Variants in BEND2 observed in about 807,000 individuals in gnomAD.
The protein encoded by BEND2 is BEN domain containing 2, also known as BEN domain-containing protein 2.
A neutral mutation model predicts 43.8 loss-of-function variants in BEND2; 19 were observed. The observed-to-expected ratio is 0.43, with a 90% CI of 0.30 to 0.64. The LOEUF is 0.64. BEND2 is among the 30% of genes least tolerant of loss of function. BEND2 has a pLI of 0.11. For synonymous variants in BEND2, 226 were observed against 210.1 expected, an observed-to-expected ratio of 1.08 and a Z score of -0.66; for missense variants, 544 against 574.0, an observed-to-expected ratio of 0.95 and a Z score of 0.53.
intron 6 of BEND2, among the ~76,000 whole-genome samples, chrX:18,197,530 T>C (rs1389706744): frequency 3.6e-5 from 4 of 111,998 alleles, no homozygotes; most frequent in Non-Finnish European, 7.5e-5. Flanking sequence ...TCACTTGTAA[T>C]ACAGCATCTG....
intron 7 of BEND2, among the ~76,000 whole-genome samples, chrX:18,193,182 G>T (rs1433889792): frequency 9.1e-6 from 1 of 110,258 alleles, no homozygotes; most frequent in Admixed American, 9.8e-5. Context: ...GCTCGGCGTG[G>T]TGTCACATGC....
At chrX:18,182,787 T>A (rs1296770482) in intron 8 of BEND2, among the ~76,000 whole-genome samples, 2 of 111,149 alleles carry the variant, frequency 1.8e-5, no homozygotes, top group Non-Finnish European at 1.9e-5. Flanking sequence ...ATGCCTGTAA[T>A]CCCAGCACTT....
intron 1 of BEND2, among the ~76,000 whole-genome samples, chrX:18,217,670 GGA>G (rs1491500128): frequency 9.1e-6 from 1 of 110,162 alleles, no homozygotes; most frequent in Admixed American, 9.7e-5. Flanking sequence ...TAGTCTTCAT[GGA>G]AAAAAAATAG....
chrX:18,177,547 T>A, intron 10 of BEND2, 22 bp downstream of exon 10: 1 of 1,185,230 alleles, frequency 8.4e-7, no homozygotes, highest in Non-Finnish European at 1.1e-6. Flanking sequence ...TAAGATTCCA[T>A]TATCACTTTA....
At chrX:18,178,282 C>T (rs1924252825) in intron 9 of BEND2, among the ~76,000 whole-genome samples, 1 of 111,741 alleles carries the variant, frequency 8.9e-6, no homozygotes, top group African/African-American at 3.3e-5. Flanking sequence ...AAATATTTTA[C>T]ATCTGTGCAC....
chrX:18,196,226 G>A (rs1924945946), intron 6 of BEND2, among the ~76,000 whole-genome samples: 1 of 108,251 alleles, frequency 9.2e-6, no homozygotes, highest in Non-Finnish European at 1.9e-5. Flanking sequence ...TTGAACCTGG[G>A]AGGTAGAGGT....
In BEND2 at chrX:18,191,391, G is replaced by A. The variant is rs780757657; in HGVS notation, c.1181-283C>T. On this transcript the variant is annotated intron_variant, in intron 7 of 13. Coordinates refer to ENST00000380033, the MANE Select transcript of BEND2 (RefSeq NM_153346.5). The stretch of plus-strand genomic sequence containing the variant: ...GAAAGAGCAGAAATATGGGCGTGGA[G>A]AAACTAGGTCACTCACATGTTGCTG... 9.8e-5 allele frequency among the ~76,000 whole-genome samples: 11 copies of A among 111,885 alleles called. No individual in the cohort carries two copies. The East Asian group carries it at 2.0e-3, about 20-fold the overall frequency.
intron 8 of BEND2, among the ~76,000 whole-genome samples, 195 bp from the exon 9 acceptor site, chrX:18,180,845 G>T (rs1472567418): frequency 9.3e-6 from 1 of 107,623 alleles, no homozygotes; most frequent in Admixed American, 1.0e-4. Flanking sequence ...CATGATCTTG[G>T]CTTACTACAA....
At chrX:18,178,888 C>T in intron 9 of BEND2, among the ~76,000 whole-genome samples, 1 of 111,756 alleles carries the variant, frequency 8.9e-6, no homozygotes, top group Non-Finnish European at 1.9e-5. Flanking sequence ...TTAGGCTTTA[C>T]TGCCTCACAT....
chrX:18,195,628 C>T (rs749534937), intron 6 of BEND2, among the ~76,000 whole-genome samples, 186 bp from the exon 7 acceptor site: 1 of 111,516 alleles, frequency 9.0e-6, no homozygotes, highest in Non-Finnish European at 1.9e-5. Flanking sequence ...TGCCTACAAT[C>T]CCAATACTTT....
intron 7 of BEND2, among the ~76,000 whole-genome samples, chrX:18,191,328 A>G (rs1455280635): frequency 8.9e-6 from 1 of 112,114 alleles, no homozygotes; most frequent in Non-Finnish European, 1.9e-5. Context: ...TGATGAAGGA[A>G]GGAATCTTGC....
At chrX:18,199,413 T>C (rs936781623) in intron 6 of BEND2, among the ~76,000 whole-genome samples, 1 of 111,239 alleles carries the variant, frequency 9.0e-6, no homozygotes, top group Non-Finnish European at 1.9e-5. Context: ...ATGTTCTGTA[T>C]TGTAACTAAT....
At chrX:18,166,300 T>C (rs1923820072) in intron 13 of BEND2, among the ~76,000 whole-genome samples, 1 of 111,811 alleles carries the variant, frequency 8.9e-6, no homozygotes, top group African/African-American at 3.3e-5. Flanking sequence ...TTGGCTGGTG[T>C]TTCCCAAAAT....
At chrX:18,168,278 G>A (rs1923875575) in intron 13 of BEND2, among the ~76,000 whole-genome samples, 1 of 112,384 alleles carries the variant, frequency 8.9e-6, no homozygotes, top group African/African-American at 3.2e-5. Flanking sequence ...CCAGCAGGAA[G>A]TGACAGCTGT....
chrX:18,216,722 T>C lies in BEND2; in HGVS notation c.37A>G (p.Ile13Val), dbSNP rs1383842796. ...TTATCATCACTGTCGTCGACAGTTATAATAACAAAATCTAAGAATAAGCAA... is the reference window on the plus strand; with the variant it reads ...TTATCATCACTGTCGTCGACAGTTACAATAACAAAATCTAAGAATAAGCAA... ...ERTQEQDFVI[I>V]TVDDSDDNND... The change falls in exon 2 of 14, where the codon ATA becomes GTA. Residue 13 changes from isoleucine (I) to valine (V), a missense_variant. Ile to Val is a conservative substitution (Grantham distance 29). This residue lies in a region of BEND2 where 501 missense variants were observed against 501.6 expected (regional missense o/e 1.00). Transcript: ENST00000380033. 7.5e-6 allele frequency: 9 copies of C among 1,196,020 alleles called. No homozygotes were observed. The highest frequency in any genetic ancestry group is 1.8e-5 in the African/African-American group (1 of 57,111).
At position 18,171,201 on chromosome X, in the gene BEND2, T is replaced by G. The variant is rs774586339; in HGVS notation, c.1985A>C (p.Tyr662Ser). ...TATATTTCTCCATGGTCTTCCAAAA[T>G]AGCCTAGAAGCAAAAAAGAAAGATG... is the stretch of plus-strand genomic sequence containing the variant. ...NPEEPGEAWS[Y>S]FGRPWRNIRM... The change falls in exon 13 of 14, where the codon TAT (tyrosine) becomes TCT (serine). Residue 662 changes from tyrosine to serine, a missense_variant. Around this residue, in one of 2 missense-constraint regions of BEND2, gnomAD observed 501 missense variants for 501.6 expected, o/e 1.00. Transcript: ENST00000380033. The G allele has an allele frequency of 5.0e-6, 6 of 1,200,239 alleles. No homozygotes were observed. The East Asian group carries it at 1.8e-4, about 36-fold the overall frequency.
intron 8 of BEND2, among the ~76,000 whole-genome samples, chrX:18,188,724 A>C (rs1198431578): frequency 8.9e-6 from 1 of 111,871 alleles, no homozygotes; most frequent in Non-Finnish European, 1.9e-5. Flanking sequence ...AATCCTACTC[A>C]AACTATTCCC....
At position 18,176,015 on chromosome X, in the gene BEND2, T is replaced by C. The variant is rs753617049; in HGVS notation, c.1709A>G (p.Asn570Ser). 8.3e-7 allele frequency: 1 copy of C among 1,199,402 alleles called. No individual in the cohort carries two copies. Among genetic ancestry groups the C allele is most frequent in the East Asian group, 3.0e-5 (1 of 33,575 alleles). The change falls in exon 11 of 14, where the codon AAT (asparagine) becomes AGT (serine). Residue 570 changes from asparagine (N) to serine (S), a missense_variant. Transcript: ENST00000380033. Reference sequence around the variant, plus strand: ...AGAACATAAACAGTAGATCATAGAATTGATACCAGAAATACAGTCCTGCCA... The same window carrying C: ...AGAACATAAACAGTAGATCATAGAACTGATACCAGAAATACAGTCCTGCCA... ...KDWQDCISGI[N>S]SMIYCLCSEG...
rs1925545717 is a variant in BEND2, at chrX:18,212,588, T to C, written c.469A>G (p.Arg157Gly). ...ACCTCTGGAGTATAGAATCTTCCTC[T>C]TTTTGGAAAATCCACTTCCTCTGAG... ...YNSEEVDFPK[R>G]GRFYTPEVQS... Residue 157 changes from arginine to glycine, a missense_variant, in exon 4 of 14, where the codon AGA becomes GGA. This residue lies in a region of BEND2 where 501 missense variants were observed against 501.6 expected (regional missense o/e 1.00). Transcript: ENST00000380033. 8.3e-7 allele frequency: 1 copy of C among 1,198,524 alleles called. No homozygotes were observed. Among genetic ancestry groups the C allele is most frequent in the Admixed American group, 2.2e-5 (1 of 45,683 alleles).
Sources: gnomAD v4.1 joint callset for allele counts (sites outside exome capture counted in the v4.1 genomes callset) on GRCh38, gnomAD v4.1.1 for gene constraint, gnomAD v4.1.1 regional missense constraint, MANE v1.5 for transcripts, NCBI Gene and HGNC (gene_info 2026-07-23, HGNC 2026-07-21) for gene names.